Variants in OSBPL5 observed in about 807,000 individuals in gnomAD.
OSBPL5 encodes the protein oxysterol binding protein like 5, also known as oxysterol-binding protein-related protein 5.
Under a neutral mutation model 111.2 loss-of-function variants are expected in OSBPL5, and 71 were observed. The ratio of observed to expected loss-of-function variants is 0.64; its 90% CI spans 0.53 to 0.78. OSBPL5 has a LOEUF of 0.78. Ranked by LOEUF, OSBPL5 falls within the 30% of genes least tolerant of loss-of-function variation. The pLI is 0.00. For synonymous variants in OSBPL5, 549 were observed against 513.9 expected (o/e 1.07, Z -0.93); for missense variants, 1,210 against 1,189.3 (o/e 1.02, Z -0.26).
At chr11:3,093,505 C>T (rs940871688) in intron 17 of OSBPL5, 22 bp downstream of exon 17, 12 of 1,602,676 alleles carry the variant, frequency 7.5e-6, no homozygotes, top group Non-Finnish European at 1.0e-5. Flanking sequence ...CAGCAGGGTC[C>T]CTGGGCGCTG....
At chr11:3,148,117 G>A (rs10741844) in intron 1 of OSBPL5, among the ~76,000 whole-genome samples, 131,517 of 152,260 alleles carry the variant, frequency 0.86, 57,496 homozygotes, top group African/African-American at 0.97. Flanking sequence ...GTAGGTGCCA[G>A]TGAATGCCTC....
chr11:3,160,672 T>TCCCCCCCCCCCCCCCCCCCCCCC (rs71035491), intron 1 of OSBPL5, among the ~76,000 whole-genome samples: 4 of 122,530 alleles, frequency 3.3e-5, no homozygotes, highest in African/African-American at 6.2e-5. Flanking sequence ...ATGACAACCC[T>TCCCCCCCCCCCCCCCCCCCCCCC]CCCCCCCCCC....
At chr11:3,129,621 C>T (rs1858757082) in intron 1 of OSBPL5, among the ~76,000 whole-genome samples, 1 of 152,206 alleles carries the variant, frequency 6.6e-6, no homozygotes, top group Non-Finnish European at 1.5e-5. Flanking sequence ...CAGGTGGCCG[C>T]TGAGCACCAG....
At position 3,141,021 on chromosome 11, in the gene OSBPL5, C is replaced by T. The variant is rs377555917; in HGVS notation, c.-21-11852G>A. ...GACACAAAGCCTGGCAGGTAGGACC[C>T]TGGGGGCACCAACTTGGGTGGGGGT... On this transcript the variant is annotated intron_variant, in intron 1 of 21. Transcript: ENST00000263650. This position sits in a 1 kb window ranked among gnomAD's most constrained non-coding sequence, Gnocchi z 6.5. 5.4e-4 allele frequency among the ~76,000 whole-genome samples: 82 copies of T among 152,282 alleles called. 1 individual carries two copies. In the East Asian group the frequency reaches 0.014, roughly 25 times the overall value.
intron 7 of OSBPL5, among the ~76,000 whole-genome samples, chr11:3,112,792 C>G (rs1369888324): frequency 6.6e-6 from 1 of 152,140 alleles, no homozygotes; most frequent in Non-Finnish European, 1.5e-5. Flanking sequence ...CATCTTTAGT[C>G]TCCCTCTAGC....
At chr11:3,111,487 C>T (rs1314332650) in intron 7 of OSBPL5, among the ~76,000 whole-genome samples, 1 of 152,172 alleles carries the variant, frequency 6.6e-6, no homozygotes, top group African/African-American at 2.4e-5. Flanking sequence ...TTTCTCCTTA[C>T]CATTAGAGCA....
chr11:3,089,923 G>A lies in OSBPL5; in HGVS notation c.2424C>T (p.Cys808=), dbSNP rs1232007077. 1.3e-6 allele frequency: 2 copies of A among 1,561,204 alleles called. No individual in the cohort carries two copies. The highest frequency in any genetic ancestry group is 1.7e-6 in the Non-Finnish European group (2 of 1,153,046). Residue 808 remains cysteine, a synonymous_variant, in exon 21 of 22, where the codon TGC becomes TGT. Coordinates refer to ENST00000263650, the MANE Select transcript of OSBPL5 (RefSeq NM_020896.4). ...CCTGCAGCCGCCGCGCCTCCTTCCT[G>A]CACCGAGGGCATGGGCTCTCACCGC... The part of the protein sequence containing the change: ...VPGGESPCPR[C]RKEARRLQAL...
Position 3,087,228 on chromosome 11 carries a change from C to G in OSBPL5, c.*977G>C, listed in dbSNP as rs936166917. On this transcript the variant is annotated 3_prime_UTR_variant, in exon 22 of 22. Transcript: ENST00000263650. ...TACAAAAACTGGAAACAAAGCCACC[C>G]GCTACAGCTCAGACGGCACCGCCAC... The G allele has an allele frequency of 6.5e-6, 1 of 152,822 alleles. No individual in the cohort carries two copies. Among genetic ancestry groups the G allele is most frequent in the Non-Finnish European group, 1.5e-5 (1 of 68,300 alleles). 9.5% of individuals were successfully genotyped at this position (152,822 alleles called of 1,614,324 possible).
chr11:3,138,540 C>A (rs528684430), intron 1 of OSBPL5, among the ~76,000 whole-genome samples: 7 of 152,354 alleles, frequency 4.6e-5, no homozygotes, highest in African/African-American at 1.7e-4. Flanking sequence ...TGAGCCTCAG[C>A]ATTCACACTG....
chr11:3,107,157 T>G lies in OSBPL5; in HGVS notation c.1059+106A>C. On this transcript the variant is annotated intron_variant, in intron 9 of 21. Transcript: ENST00000263650. The surrounding 1 kb of genome is among the most constrained non-coding windows in gnomAD (Gnocchi z 6.1). Reference sequence around the variant, plus strand: ...AGTGATGGGGACAAAAGCTACCCCCTGGGCCCTGCGTGCTCCCCCTAGGAT... The same window carrying G: ...AGTGATGGGGACAAAAGCTACCCCCGGGGCCCTGCGTGCTCCCCCTAGGAT... The G allele has an allele frequency of 1.5e-6, 2 of 1,293,060 alleles. No individual in the cohort carries two copies. The highest frequency in any genetic ancestry group is 2.1e-6 in the Non-Finnish European group (2 of 947,058). The allele number at this position is 1,293,060 out of a possible 1,614,324, so 80.1% of individuals were successfully genotyped here.
chr11:3,100,364 C>G lies in OSBPL5; in HGVS notation c.1523-108G>C, dbSNP rs1857411360. 5 of 871,212 alleles carry G rather than the reference C, an allele frequency of 5.7e-6. No homozygotes were observed. In the South Asian group the frequency reaches 7.3e-5, roughly 13 times the overall value. The allele number at this position is 871,212 out of a possible 1,614,324, so 54.0% of individuals were successfully genotyped here. ...GCTCCTTCCAACAGCTGAACACGCT[C>G]CTGGCACTTCCAGTGGTGTGTCTGT... On this transcript the variant is annotated intron_variant, in intron 13 of 21. Transcript: ENST00000263650.
At chr11:3,134,223 C>T (rs567579642) in intron 1 of OSBPL5, among the ~76,000 whole-genome samples, 4 of 152,220 alleles carry the variant, frequency 2.6e-5, no homozygotes, top group Non-Finnish European at 5.9e-5. Context: ...CGTGGGCCTC[C>T]TGCTGTCACC....
At chr11:3,112,057 ATGTGTATGTGTGTGTGCATG>A (rs1564837609) in intron 7 of OSBPL5, among the ~76,000 whole-genome samples, 11 of 118,214 alleles carry the variant, frequency 9.3e-5, no homozygotes, top group African/African-American at 3.0e-4. Context: ...ATGTGTGTGC[ATGTGTATGTGTGTGTGCATG>A]TGTGTGTGCA....
chr11:3,100,105 C>G (rs1342372996), intron 14 of OSBPL5, 53 bp downstream of exon 14: 1 of 1,532,082 alleles, frequency 6.5e-7, no homozygotes, highest in East Asian at 2.3e-5. Context: ...TAGCATCTAG[C>G]TGCTCTCACA....
intron 1 of OSBPL5, among the ~76,000 whole-genome samples, chr11:3,147,764 G>A (rs1281397430): frequency 6.6e-6 from 1 of 152,220 alleles, no homozygotes; most frequent in Non-Finnish European, 1.5e-5. Flanking sequence ...AAGGCCGGGC[G>A]TGGCCCTAGA....
chr11:3,141,178 T>TC lies in OSBPL5; in HGVS notation c.-21-12010dup. ...TCTGATGCTGACAGCCACCCAGGCT[T>TC]CCCCCCGCCCAGCAGACAGTATCGT... is the stretch of plus-strand genomic sequence containing the variant. On this transcript the variant is annotated intron_variant, in intron 1 of 21. Transcript: ENST00000263650. The surrounding 1 kb of genome is among the most constrained non-coding windows in gnomAD (Gnocchi z 6.5). 6.6e-6 allele frequency among the ~76,000 whole-genome samples: 1 copy of TC among 151,820 alleles called. No homozygotes were observed. Among genetic ancestry groups the TC allele is most frequent in the Non-Finnish European group, 1.5e-5 (1 of 67,902 alleles).
chr11:3,162,762 C>T lies in OSBPL5; in HGVS notation c.-22+2454G>A, dbSNP rs904865544. On this transcript the variant is annotated intron_variant, in intron 1 of 21. Coordinates refer to ENST00000263650, the MANE Select transcript of OSBPL5 (RefSeq NM_020896.4). The surrounding 1 kb of genome is among the most constrained non-coding windows in gnomAD (Gnocchi z 8.1). ...CAGTTGCCTCCTCAAGCTGCAGGCT[C>T]GGTAAGTCATCAAGCAAAGCTGGCA... Among the ~76,000 whole-genome samples, 5 of 152,082 alleles carry T rather than the reference C, an allele frequency of 3.3e-5. No homozygotes were observed. In the East Asian group the frequency reaches 9.8e-4, roughly 30 times the overall value.
At chr11:3,119,448 G>A in intron 7 of OSBPL5, 99 bp downstream of exon 7, 2 of 1,213,364 alleles carry the variant, frequency 1.6e-6, no homozygotes, top group Non-Finnish European at 1.1e-6. Context: ...ACAGTAGAAG[G>A]GACTGAACTG....
intron 1 of OSBPL5, among the ~76,000 whole-genome samples, chr11:3,136,261 G>A (rs147768185): frequency 1.3e-5 from 2 of 152,372 alleles, no homozygotes; most frequent in East Asian, 3.9e-4. Context: ...CTTCCCAGCA[G>A]TAATCCAGCC....
Sources: gnomAD v4.1 joint callset for allele counts (sites outside exome capture counted in the v4.1 genomes callset) on GRCh38, gnomAD v4.1.1 for gene constraint, Gnocchi (gnomAD v3.1) non-coding constraint, MANE v1.5 for transcripts, NCBI Gene and HGNC (gene_info 2026-07-23, HGNC 2026-07-21) for gene names.